Variants in KALRN observed in about 807,000 individuals in gnomAD.
KALRN encodes kalirin.
Under a neutral mutation model 353.7 loss-of-function variants are expected in KALRN, and 70 were observed. The observed-to-expected ratio is 0.20, with a 90% CI of 0.16 to 0.24. The LOEUF (loss-of-function observed/expected upper bound fraction) is 0.24, where lower values mean the gene tolerates loss of function less well. Among genes scored for constraint, KALRN ranks in the 10% least tolerant of loss-of-function variants. The probability of loss-of-function intolerance (pLI) is 1.00; values close to 1 mark genes in which losing one functional copy is unlikely to be tolerated. For missense variants in KALRN, 2,791 were observed against 3,756.7 expected (o/e 0.74, Z 6.72); for synonymous variants, 1,391 against 1,434.8 (o/e 0.97, Z 0.69).
intron 34 of KALRN, chr3:124,584,608 C>A: frequency 7.2e-7 from 1 of 1,397,098 alleles, no homozygotes; most frequent in Non-Finnish European, 9.2e-7. Context: ...GGAACTCCGC[C>A]CCTTAGGCCC....
At chr3:124,253,824 G>C (rs1441895753) in intron 3 of KALRN, among the ~76,000 whole-genome samples, 1 of 152,162 alleles carries the variant, frequency 6.6e-6, no homozygotes, top group African/African-American at 2.4e-5. Context: ...CCAGGCCAAA[G>C]GAACCAGCCC....
intron 1 of KALRN, among the ~76,000 whole-genome samples, chr3:124,209,521 A>G (rs1357546037): frequency 7.3e-6 from 1 of 137,492 alleles, no homozygotes; most frequent in Non-Finnish European, 1.6e-5. Flanking sequence ...AAAAAAATCC[A>G]TGTCTAACTG....
chr3:124,392,197 G>A (rs1451856240), intron 11 of KALRN, among the ~76,000 whole-genome samples: 1 of 152,030 alleles, frequency 6.6e-6, no homozygotes, highest in African/African-American at 2.4e-5. Context: ...CTACAGGCAT[G>A]TGCCAACATG....
In KALRN at chr3:124,286,581, A is replaced by C. The variant is rs114839347; in HGVS notation, c.970-12210A>C. On this transcript the variant is annotated intron_variant, in intron 5 of 59. Transcript: ENST00000682506. ...TGCTGTTTTCTATTGATTTGTTTTC[A>C]AGTTCATTCATCCTGCTTGCTGCTG... 9.2e-4 allele frequency among the ~76,000 whole-genome samples: 140 copies of C among 152,218 alleles called. 1 individual carries two copies. Among genetic ancestry groups the C allele is most frequent in the African/African-American group, 3.3e-3 (138 of 41,534 alleles).
chr3:124,686,047 G>A (rs534789064), intron 51 of KALRN, among the ~76,000 whole-genome samples: 4 of 152,168 alleles, frequency 2.6e-5, no homozygotes, highest in African/African-American at 4.8e-5. Context: ...GAGGACTAAC[G>A]AACAATGTAA....
intron 11 of KALRN, among the ~76,000 whole-genome samples, chr3:124,390,110 A>T (rs1266644695): frequency 2.0e-5 from 3 of 152,172 alleles, no homozygotes; most frequent in Non-Finnish European, 4.4e-5. Flanking sequence ...AGCTAGAGCA[A>T]GTTTGGGAGA....
intron 34 of KALRN, among the ~76,000 whole-genome samples, chr3:124,631,275 C>T (rs2080754213): frequency 6.6e-6 from 1 of 152,164 alleles, no homozygotes; most frequent in Non-Finnish European, 1.5e-5. Context: ...CCCATCTCTC[C>T]TCTGACAACT....
chr3:124,570,440 A>G (rs13077090), intron 34 of KALRN, among the ~76,000 whole-genome samples: 13,800 of 152,216 alleles, frequency 0.091, 815 homozygotes, highest in Non-Finnish European at 0.12. Flanking sequence ...AAGCAGAAGT[A>G]TACATGGGAG....
intron 11 of KALRN, among the ~76,000 whole-genome samples, chr3:124,385,329 A>G (rs1361507662): frequency 6.6e-6 from 1 of 152,130 alleles, no homozygotes; most frequent in Non-Finnish European, 1.5e-5. Flanking sequence ...GGAATCCCTG[A>G]TATAGCAATA....
At chr3:124,475,890 C>T (rs535200342) in intron 26 of KALRN, among the ~76,000 whole-genome samples, 1 of 152,126 alleles carries the variant, frequency 6.6e-6, no homozygotes, top group East Asian at 1.9e-4. Context: ...TGAGCCAATA[C>T]AAAGCTCATA....
chr3:124,309,733 C>T (rs1334786697), intron 6 of KALRN, among the ~76,000 whole-genome samples: 1 of 151,606 alleles, frequency 6.6e-6, no homozygotes, highest in African/African-American at 2.4e-5. Context: ...CAAAATCCAA[C>T]ACCTATTCAT....
At chr3:124,117,487 T>C (rs754948629) in intron 1 of KALRN, among the ~76,000 whole-genome samples, 6 of 152,214 alleles carry the variant, frequency 3.9e-5, no homozygotes, top group Non-Finnish European at 1.5e-5. Flanking sequence ...CTGACCCTTG[T>C]AGTGCTTTGA....
At chr3:124,276,934 C>T (rs543200856) in intron 5 of KALRN, among the ~76,000 whole-genome samples, 1 of 152,306 alleles carries the variant, frequency 6.6e-6, no homozygotes, top group East Asian at 1.9e-4. Flanking sequence ...TCTCCCAACA[C>T]ACGCACGCAC....
chr3:124,259,276 C>T (rs1560386240), intron 3 of KALRN, among the ~76,000 whole-genome samples: 1 of 152,212 alleles, frequency 6.6e-6, no homozygotes, highest in Non-Finnish European at 1.5e-5. Context: ...GGGAGTATAA[C>T]TGCCCAGGTT....
At chr3:124,128,365 GTATAT>G (rs2064917329) in intron 1 of KALRN, among the ~76,000 whole-genome samples, 2 of 152,228 alleles carry the variant, frequency 1.3e-5, no homozygotes, top group African/African-American at 4.8e-5. Context: ...GCTACTTTTT[GTATAT>G]TAAAAGATAT....
At chr3:124,567,634 G>A (rs1008031338) in intron 34 of KALRN, among the ~76,000 whole-genome samples, 6 of 152,216 alleles carry the variant, frequency 3.9e-5, no homozygotes, top group African/African-American at 1.4e-4. Context: ...GTGGTGGAGG[G>A]CAGCACCTCC....
intron 10 of KALRN, among the ~76,000 whole-genome samples, chr3:124,361,278 T>C (rs1317462266): frequency 6.6e-6 from 1 of 152,250 alleles, no homozygotes; most frequent in African/African-American, 2.4e-5. Context: ...TATGTTTAAT[T>C]ACAAAGTTAC....
intron 33 of KALRN, among the ~76,000 whole-genome samples, chr3:124,554,889 G>C (rs1185480776): frequency 2.0e-5 from 3 of 152,088 alleles, no homozygotes; most frequent in Non-Finnish European, 4.4e-5. Flanking sequence ...TACATCTTTT[G>C]GTTTCTCCCA....
At chr3:124,368,596 G>A (rs1486095646) in intron 10 of KALRN, among the ~76,000 whole-genome samples, 39 of 146,074 alleles carry the variant, frequency 2.7e-4, no homozygotes, top group African/African-American at 9.7e-4. Flanking sequence ...CCAGGCAGAG[G>A]GGCTCCTCAC....
Sources: gnomAD v4.1 joint callset for allele counts (sites outside exome capture counted in the v4.1 genomes callset) on GRCh38, gnomAD v4.1.1 for gene constraint, MANE v1.5 for transcripts, NCBI Gene and HGNC (gene_info 2026-07-23, HGNC 2026-07-21) for gene names.